Variants in ZNF280D observed in about 807,000 individuals in gnomAD.
The protein encoded by ZNF280D is zinc finger protein 280D, also known as suppressor of hairy wing homolog 4.
Under a neutral mutation model 94.7 loss-of-function variants are expected in ZNF280D, and 39 were observed. The observed-to-expected ratio is 0.41, with a 90% CI of 0.32 to 0.54. The LOEUF (loss-of-function observed/expected upper bound fraction) is 0.54. Ranked by LOEUF, ZNF280D falls within the 20% of genes least tolerant of loss-of-function variation. The probability of loss-of-function intolerance (pLI) is 0.22; values close to 1 mark genes in which losing one functional copy is unlikely to be tolerated. For missense variants in ZNF280D, 1,090 were observed against 1,149.3 expected (o/e 0.95, Z 0.75); for synonymous variants, 398 against 377.6 (o/e 1.05, Z -0.63).
intron 6 of ZNF280D, chr15:56,700,686 T>C (rs1403909372): frequency 4.9e-6 from 7 of 1,422,642 alleles, no homozygotes; most frequent in East Asian, 5.1e-5. Flanking sequence ...TTTGATAGTA[T>C]AGTTTTCATT....
At chr15:56,732,083 C>G (rs2058920180) in intron 1 of ZNF280D, among the ~76,000 whole-genome samples, 1 of 152,188 alleles carries the variant, frequency 6.6e-6, no homozygotes, top group South Asian at 2.1e-4. Context: ...CTTGCCTATT[C>G]TCATCTACCT....
chr15:56,659,175 T>TAAAAAAAAA (rs35057161), intron 16 of ZNF280D, among the ~76,000 whole-genome samples: 1 of 93,224 alleles, frequency 1.1e-5, no homozygotes, highest in African/African-American at 4.1e-5. Flanking sequence ...TGTTTTTTAT[T>TAAAAAAAAA]AAAAAAAAAA....
At chr15:56,705,186 A>G (rs544917869) in intron 3 of ZNF280D, among the ~76,000 whole-genome samples, 13 of 152,330 alleles carry the variant, frequency 8.5e-5, no homozygotes, top group African/African-American at 3.1e-4. Context: ...TGCCATCAAT[A>G]TCATGAAACT....
At chr15:56,719,403 C>G (rs1382374720) in intron 1 of ZNF280D, among the ~76,000 whole-genome samples, 2 of 151,866 alleles carry the variant, frequency 1.3e-5, no homozygotes, top group African/African-American at 4.8e-5. Context: ...TCCTCTCTTT[C>G]ACCTTATAAA....
chr15:56,632,036 T>C lies in ZNF280D; in HGVS notation c.2402A>G (p.Glu801Gly). 1 of 1,613,084 alleles carries C rather than the reference T, an allele frequency of 6.2e-7. No individual in the cohort carries two copies. Reference sequence around the variant, plus strand: ...TTCCTTATCTGAAACTGTTATGCTTTCTTCACTTTTTGTTGTTGATGAGCC... The same window carrying C: ...TTCCTTATCTGAAACTGTTATGCTTCCTTCACTTTTTGTTGTTGATGAGCC... ...FEGSSTTKSE[E>G]SITVSDKENE... The change falls in exon 22 of 22, where the codon GAA becomes GGA. Residue 801 changes from glutamate (E) to glycine (G), a missense_variant. Transcript: ENST00000267807.
At chr15:56,709,581 T>C (rs1226495731) in intron 1 of ZNF280D, among the ~76,000 whole-genome samples, 2 of 152,180 alleles carry the variant, frequency 1.3e-5, no homozygotes, top group African/African-American at 2.4e-5. Context: ...GCGGCACTAT[T>C]CACAATAGCA....
Position 56,666,846 on chromosome 15 carries a change from T to G in ZNF280D, c.1686A>C (p.Thr562=), listed in dbSNP as rs749811290. Residue 562 remains threonine, a synonymous_variant, in exon 15 of 22, where the codon ACA becomes ACC. Coordinates refer to ENST00000267807, the MANE Select transcript of ZNF280D (RefSeq NM_017661.4). ...ITAKNPAKSN[T]SKPNTVKSNA... ...TGGATTTGACTGTATTAGGTTTACT[T>G]GTATTAGATTTTGCAGGATTTTTAG... The G allele has an allele frequency of 6.2e-7, 1 of 1,613,962 alleles. No homozygotes were observed. The highest frequency in any genetic ancestry group is 8.5e-7 in the Non-Finnish European group (1 of 1,179,918).
intron 13 of ZNF280D, among the ~76,000 whole-genome samples, chr15:56,671,182 CAT>C (rs1283346311): frequency 6.6e-6 from 1 of 152,018 alleles, no homozygotes; most frequent in African/African-American, 2.4e-5. Flanking sequence ...AATTAGATCT[CAT>C]GTGTCAATTT....
intron 14 of ZNF280D, 123 bp downstream of exon 14, chr15:56,668,700 C>T (rs958167192): frequency 5.5e-6 from 5 of 915,646 alleles, no homozygotes; most frequent in Non-Finnish European, 4.6e-6. Context: ...AAAATTAAAA[C>T]CTAAAATTAG....
At chr15:56,701,859 A>G (rs1314760757) in intron 4 of ZNF280D, among the ~76,000 whole-genome samples, 2 of 152,074 alleles carry the variant, frequency 1.3e-5, no homozygotes, top group Admixed American at 6.6e-5. Context: ...CAAATTTACC[A>G]CTACACCAGA....
chr15:56,636,319 A>G (rs767036426), intron 20 of ZNF280D, among the ~76,000 whole-genome samples: 1 of 152,064 alleles, frequency 6.6e-6, no homozygotes, highest in African/African-American at 2.4e-5. Context: ...TGCCCAGAGA[A>G]CCAAAAACAC....
In ZNF280D at chr15:56,632,057, G is replaced by A; in HGVS notation, c.2381C>T (p.Ser794Leu). The A allele has an allele frequency of 6.2e-7, 1 of 1,610,570 alleles. No homozygotes were observed. The highest frequency in any genetic ancestry group is 8.5e-7 in the Non-Finnish European group (1 of 1,178,426). ...NGCNANSFEG[S>L]STTKSEESIT... ...GCTTTCTTCACTTTTTGTTGTTGATGAGCCTTCAAATGAATTTGCATTACA... is the reference window on the plus strand; with the variant it reads ...GCTTTCTTCACTTTTTGTTGTTGATAAGCCTTCAAATGAATTTGCATTACA... Residue 794 changes from serine (S) to leucine (L), a missense_variant, in exon 22 of 22, where the codon TCA becomes TTA. Ser to Leu is a moderately radical substitution (Grantham distance 145). Around this residue, in one of 3 missense-constraint regions of ZNF280D, gnomAD observed 577 missense variants for 568.8 expected, o/e 1.01. Coordinates refer to ENST00000267807, the MANE Select transcript of ZNF280D (RefSeq NM_017661.4).
intron 13 of ZNF280D, among the ~76,000 whole-genome samples, chr15:56,676,049 G>A (rs2055210701): frequency 6.6e-6 from 1 of 152,072 alleles, no homozygotes; most frequent in South Asian, 2.1e-4. Flanking sequence ...CTAATATTGA[G>A]TTCCAAAATT....
chr15:56,704,137 T>A lies in ZNF280D; in HGVS notation c.159A>T (p.Ser53=), dbSNP rs138144081. The A allele has an allele frequency of 1.9e-4, 314 of 1,613,736 alleles. No individual in the cohort carries two copies. The highest frequency in any genetic ancestry group is 9.9e-4 in the Middle Eastern group (6 of 6,058). Residue 53 remains serine (S), a synonymous_variant, in exon 4 of 22, where the codon TCA becomes TCT. Transcript: ENST00000267807. Reference sequence around the variant, plus strand: ...AATGCTTACTTGAAATTGCTGGTTTTGAACTTGATATCTCGCCAACAAAGA... The same window carrying A: ...AATGCTTACTTGAAATTGCTGGTTTAGAACTTGATATCTCGCCAACAAAGA... ...EPIFVGEISS[S]KPAISNILNR...
At chr15:56,673,624 G>A (rs1191950590) in intron 13 of ZNF280D, among the ~76,000 whole-genome samples, 2 of 151,922 alleles carry the variant, frequency 1.3e-5, no homozygotes, top group African/African-American at 4.8e-5. Context: ...AATGTCTAGT[G>A]CCTTTCCAAA....
intron 1 of ZNF280D, among the ~76,000 whole-genome samples, chr15:56,713,952 A>G (rs2057907749): frequency 6.6e-6 from 1 of 152,182 alleles, no homozygotes; most frequent in Admixed American, 6.5e-5. Context: ...AGCGATAAAC[A>G]ATAATATAAT....
intron 4 of ZNF280D, among the ~76,000 whole-genome samples, chr15:56,702,489 G>C (rs1479934199): frequency 6.6e-6 from 1 of 152,084 alleles, no homozygotes; most frequent in Non-Finnish European, 1.5e-5. Flanking sequence ...TCCCCTTCTT[G>C]ATGGAATTAT....
At chr15:56,670,734 T>A (rs560534549) in intron 13 of ZNF280D, among the ~76,000 whole-genome samples, 1 of 152,222 alleles carries the variant, frequency 6.6e-6, no homozygotes, top group Admixed American at 6.5e-5. Context: ...GAATGCTATT[T>A]CTGTCTCTAG....
rs1320099261 is a variant in ZNF280D, at chr15:56,658,410, G to C, written c.2057+14C>G. On this transcript the variant is annotated intron_variant, in intron 17 of 21. Transcript: ENST00000267807. ...TTTTTCAATAGAAAGAGTAAAAAAAGATCAACTAGTTACCGGAGATTTTCT... is the reference window on the plus strand; with the variant it reads ...TTTTTCAATAGAAAGAGTAAAAAAACATCAACTAGTTACCGGAGATTTTCT... The C allele has an allele frequency of 1.3e-6, 2 of 1,574,226 alleles. No homozygotes were observed. Among genetic ancestry groups the C allele is most frequent in the African/African-American group, 1.4e-5 (1 of 72,394 alleles).
Sources: gnomAD v4.1 joint callset for allele counts (sites outside exome capture counted in the v4.1 genomes callset) on GRCh38, gnomAD v4.1.1 for gene constraint, gnomAD v4.1.1 regional missense constraint, MANE v1.5 for transcripts, NCBI Gene and HGNC (gene_info 2026-07-23, HGNC 2026-07-21) for gene names.